Variants in SPTBN1 observed in about 807,000 individuals in gnomAD.
SPTBN1 encodes the protein spectrin beta, non-erythrocytic 1, also known as spectrin beta chain, non-erythrocytic 1.
A neutral mutation model predicts 266.4 loss-of-function variants in SPTBN1; 32 were observed. The ratio of observed to expected loss-of-function variants is 0.12; its 90% CI spans 0.09 to 0.16. SPTBN1 has a LOEUF of 0.16. Among genes scored for constraint, SPTBN1 ranks in the 10% least tolerant of loss-of-function variants. SPTBN1 has a pLI of 1.00. For missense variants in SPTBN1, 2,296 were observed against 3,067.1 expected, an observed-to-expected ratio of 0.75 and a Z score of 5.94; for synonymous variants, 1,336 against 1,162.2, an observed-to-expected ratio of 1.15 and a Z score of -3.04.
At chr2:54,505,021 C>T (rs976385836) in intron 1 of SPTBN1, among the ~76,000 whole-genome samples, 4 of 152,140 alleles carry the variant, frequency 2.6e-5, no homozygotes, top group African/African-American at 9.7e-5. Flanking sequence ...CTTGATATGA[C>T]AACACCCCAA....
intron 1 of SPTBN1, among the ~76,000 whole-genome samples, chr2:54,521,331 G>A (rs1470322556): frequency 6.6e-6 from 1 of 152,226 alleles, no homozygotes; most frequent in East Asian, 1.9e-4. Context: ...TATGGTGGGA[G>A]CGAGGGATGT....
rs61746072 is a variant in SPTBN1, at chr2:54,529,354, G to A, written c.148+2788G>A. The A allele has an allele frequency of 1.9e-3, 1,154 of 609,550 alleles. 15 individuals carry two copies. The African/African-American group carries it at 0.02, about 10-fold the overall frequency. The allele number at this position is 609,550 out of a possible 1,614,324, so 37.8% of individuals were successfully genotyped here. A position where few individuals can be genotyped will look rare whatever the true frequency, so the allele number is the denominator to read the frequency against. ...GAGACCCTTTTCAGAAGATGGCACC[G>A]AAAGTGAAGAAGGAAGCTCCTGGCC... On this transcript the variant is annotated intron_variant, in intron 2 of 35. Transcript: ENST00000356805.
intron 1 of SPTBN1, among the ~76,000 whole-genome samples, chr2:54,463,181 T>A (rs1310387240): frequency 2.8e-5 from 4 of 141,630 alleles, no homozygotes; most frequent in Admixed American, 2.7e-4. Context: ...GGCCCAATCC[T>A]ATGCGAAGCT....
Position 54,628,020 on chromosome 2 carries a change from T to C in SPTBN1, c.1645-77T>C, listed in dbSNP as rs974904962. 4 of 1,511,594 alleles carry C rather than the reference T, an allele frequency of 2.6e-6. No individual in the cohort carries two copies. The highest frequency in any genetic ancestry group is 2.7e-6 in the Non-Finnish European group (3 of 1,122,250). 93.6% of individuals were successfully genotyped at this position (1,511,594 alleles called of 1,614,324 possible). ...AGGCATAGCTTCATTGCTGGCTCTC[T>C]GCTTGTCGAAAGATGATGTGATGCT... On this transcript the variant is annotated intron_variant, in intron 12 of 35. Coordinates refer to ENST00000356805, the MANE Select transcript of SPTBN1 (RefSeq NM_003128.3). The surrounding 1 kb of genome is among the most constrained non-coding windows in gnomAD (Gnocchi z 4.3).
chr2:54,565,896 G>A (rs182538885), intron 2 of SPTBN1, among the ~76,000 whole-genome samples: 1 of 152,310 alleles, frequency 6.6e-6, no homozygotes, highest in Non-Finnish European at 1.5e-5. Flanking sequence ...CAGTATTGTT[G>A]ATTACTAGTA....
intron 2 of SPTBN1, among the ~76,000 whole-genome samples, chr2:54,579,183 T>C (rs1462343639): frequency 1.3e-5 from 2 of 152,166 alleles, no homozygotes; most frequent in African/African-American, 2.4e-5. Context: ...GCTCATGACC[T>C]CTTTTACCTT....
chr2:54,603,055 A>G (rs1676601143), intron 3 of SPTBN1, among the ~76,000 whole-genome samples: 1 of 152,200 alleles, frequency 6.6e-6, no homozygotes, highest in African/African-American at 2.4e-5. Flanking sequence ...GAAGTGAACT[A>G]AGAGTCCTAA....
chr2:54,661,108 A>T, intron 32 of SPTBN1: 1 of 985,386 alleles, frequency 1.0e-6, no homozygotes, highest in Non-Finnish European at 1.2e-6. Context: ...TACATCTTGG[A>T]TTAATCTTCT....
chr2:54,464,644 C>T (rs932603596), intron 1 of SPTBN1, among the ~76,000 whole-genome samples: 1 of 151,932 alleles, frequency 6.6e-6, no homozygotes, highest in Non-Finnish European at 1.5e-5. Flanking sequence ...ACCATGAGGA[C>T]CATTTGTTTT....
chr2:54,592,811 C>T (rs1230149545), intron 2 of SPTBN1, among the ~76,000 whole-genome samples: 2 of 152,002 alleles, frequency 1.3e-5, no homozygotes, highest in Non-Finnish European at 2.9e-5. Context: ...ATCTTAATCC[C>T]TCTTGCCTGG....
intron 1 of SPTBN1, among the ~76,000 whole-genome samples, chr2:54,497,019 G>T (rs1573275089): frequency 6.6e-6 from 1 of 152,228 alleles, no homozygotes; most frequent in Non-Finnish European, 1.5e-5. Context: ...ATGCGCATAT[G>T]TTTATGGAAG....
intron 1 of SPTBN1, among the ~76,000 whole-genome samples, chr2:54,457,021 G>T (rs1693075197): frequency 6.6e-6 from 1 of 151,722 alleles, no homozygotes; most frequent in South Asian, 2.1e-4. Flanking sequence ...ACAGGGCCGG[G>T]CTCTGCGCGT....
intron 9 of SPTBN1, 42 bp downstream of exon 9, chr2:54,622,529 A>G: frequency 6.3e-7 from 1 of 1,595,780 alleles, no homozygotes; most frequent in East Asian, 2.2e-5. Context: ...ATGGAAAGAC[A>G]CATCACTGTA....
At chr2:54,654,921 G>A in intron 27 of SPTBN1, 149 bp from the exon 28 acceptor site, 1 of 1,164,562 alleles carries the variant, frequency 8.6e-7, no homozygotes, top group Non-Finnish European at 1.2e-6. Flanking sequence ...CAGTGGCCCA[G>A]CCTAAGCTCA....
chr2:54,490,894 T>C (rs1668651995), intron 1 of SPTBN1, among the ~76,000 whole-genome samples: 3 of 152,120 alleles, frequency 2.0e-5, no homozygotes, highest in Non-Finnish European at 1.5e-5. Flanking sequence ...GTGGCTGGAA[T>C]AAAGAGGGCT....
intron 18 of SPTBN1, 49 bp from the exon 19 acceptor site, chr2:54,642,931 AAAG>A: frequency 6.3e-7 from 1 of 1,582,894 alleles, no homozygotes; most frequent in Non-Finnish European, 8.6e-7. Context: ...CAGGCGGAAA[AAAG>A]GCTGATGTCT....
chr2:54,547,677 A>G (rs951497734), intron 2 of SPTBN1, among the ~76,000 whole-genome samples: 1 of 152,220 alleles, frequency 6.6e-6, no homozygotes, highest in African/African-American at 2.4e-5. Context: ...CGTGGTCTCA[A>G]ATTGTGTTTT....
intron 3 of SPTBN1, among the ~76,000 whole-genome samples, chr2:54,607,982 A>C (rs1251580215): frequency 6.6e-6 from 1 of 152,210 alleles, no homozygotes; most frequent in Non-Finnish European, 1.5e-5. Context: ...TACAGCACAT[A>C]GCTGAGGATC....
At chr2:54,507,367 G>T (rs1011015405) in intron 1 of SPTBN1, among the ~76,000 whole-genome samples, 1 of 152,030 alleles carries the variant, frequency 6.6e-6, no homozygotes, top group Non-Finnish European at 1.5e-5. Context: ...ATTTTGGGGG[G>T]TGGTATGGAG....
Sources: gnomAD v4.1 joint callset for allele counts (sites outside exome capture counted in the v4.1 genomes callset) on GRCh38, gnomAD v4.1.1 for gene constraint, Gnocchi (gnomAD v3.1) non-coding constraint, MANE v1.5 for transcripts, NCBI Gene and HGNC (gene_info 2026-07-23, HGNC 2026-07-21) for gene names.